DNAH10: variants seen among roughly 807,000 people sequenced by gnomAD.
The protein encoded by DNAH10 is dynein axonemal heavy chain 10.
DNAH10 carries 348 observed loss-of-function variants against 506.6 expected under a neutral mutation model. That is an observed-to-expected ratio of 0.69 (90% confidence interval 0.63 to 0.75). The LOEUF is 0.75. DNAH10 is among the 30% of genes least tolerant of loss of function. The pLI, the probability that DNAH10 is intolerant of heterozygous loss-of-function variation, is 0.00. For synonymous variants in DNAH10, 2,059 were observed against 2,198.6 expected (o/e 0.94, Z 1.78); for missense variants, 5,179 against 5,787.1 (o/e 0.89, Z 3.41).
At chr12:123,912,453 T>C (rs1371461186) in intron 59 of DNAH10, among the ~76,000 whole-genome samples, 1 of 29,622 alleles carries the variant, frequency 3.4e-5, no homozygotes, top group Non-Finnish European at 5.8e-5. Context: ...TCCTGGGGGG[T>C]CTGTCCTGGG....
At chr12:123,768,142 C>CT (rs71444915) in intron 2 of DNAH10, among the ~76,000 whole-genome samples, 1 of 107,922 alleles carries the variant, frequency 9.3e-6, no homozygotes, top group Non-Finnish European at 2.4e-5. Context: ...CCTCCTCCTC[C>CT]TTTTTTTTTG....
At chr12:123,881,065 G>T (rs2137062985) in intron 50 of DNAH10, among the ~76,000 whole-genome samples, 1 of 152,170 alleles carries the variant, frequency 6.6e-6, no homozygotes, top group Admixed American at 6.5e-5. Flanking sequence ...GGGCATTTGG[G>T]TTGGTTCCAA....
chr12:123,864,763 A>G (rs767273111), intron 40 of DNAH10, 33 bp downstream of exon 40: 18 of 1,578,910 alleles, frequency 1.1e-5, no homozygotes, highest in Admixed American at 1.9e-5. Flanking sequence ...TTTGAACATA[A>G]ATCTTTCTTG....
chr12:123,885,657 A>G (rs969010992), intron 51 of DNAH10, among the ~76,000 whole-genome samples: 1 of 152,168 alleles, frequency 6.6e-6, no homozygotes, highest in African/African-American at 2.4e-5. Flanking sequence ...GAAGGAAAGG[A>G]AAAAAGTGTC....
intron 23 of DNAH10, among the ~76,000 whole-genome samples, chr12:123,819,567 C>T (rs59797727): frequency 0.018 from 2,788 of 152,224 alleles, 98 homozygotes; most frequent in African/African-American, 0.063. Flanking sequence ...ACTGCCTTTA[C>T]AAAGGCAGCG....
intron 47 of DNAH10, 104 bp from the exon 48 acceptor site, chr12:123,877,632 A>G (rs930303935): frequency 4.2e-6 from 6 of 1,412,102 alleles, no homozygotes; most frequent in South Asian, 3.0e-5. Flanking sequence ...ATTCCTTTCT[A>G]TAGCTTAGTA....
chr12:123,775,407 C>T (rs1393162941), intron 5 of DNAH10, among the ~76,000 whole-genome samples: 1 of 152,154 alleles, frequency 6.6e-6, no homozygotes, highest in Non-Finnish European at 1.5e-5. Context: ...CCATGCTTGG[C>T]CTGAGCTTTA....
In DNAH10 at chr12:123,930,152, G is replaced by A. The variant is rs1264781547; in HGVS notation, c.12613-250G>A. Reference sequence around the variant, plus strand: ...ATGTGTTTGGGGGACTTTGCCTGCTGCACAGGAGCTCCCAACACTTCCTGA... The same window carrying A: ...ATGTGTTTGGGGGACTTTGCCTGCTACACAGGAGCTCCCAACACTTCCTGA... On this transcript the variant is annotated intron_variant, in intron 72 of 78. Transcript: ENST00000673944. The A allele has an allele frequency of 5.8e-6, 3 of 517,460 alleles. No homozygotes were observed. In the African/African-American group the frequency reaches 5.8e-5, roughly 10 times the overall value. 32.1% of individuals were successfully genotyped at this position (517,460 alleles called of 1,614,324 possible).
At position 123,925,188 on chromosome 12, in the gene DNAH10, G is replaced by C. The variant is rs762338634; in HGVS notation, c.11905G>C (p.Val3969Leu). ...TCGGGCCGTGACTGACTATGTGACT[G>C]TAACAATGGGAGAGAAGTAAGTGTG... ...VYRAVTDYVT[V>L]TMGEKYVQPP... The change falls in exon 68 of 79, where the codon GTA becomes CTA. Residue 3969 changes from valine (V) to leucine (L), a missense_variant. By Grantham distance (32) the Val-to-Leu change is conservative (BLOSUM62 1). This residue lies in a region of DNAH10 where 4,844 missense variants were observed against 5,430.5 expected (regional missense o/e 0.89). Transcript: ENST00000673944. This position sits in a 1 kb window ranked among gnomAD's most constrained non-coding sequence, Gnocchi z 4.0. 1.9e-6 allele frequency: 3 copies of C among 1,613,862 alleles called. No homozygotes were observed. The highest frequency in any genetic ancestry group is 2.2e-5 in the East Asian group (1 of 44,892).
At chr12:123,820,865 A>G in intron 24 of DNAH10, 107 bp downstream of exon 24, 1 of 1,303,184 alleles carries the variant, frequency 7.7e-7, no homozygotes, top group Non-Finnish European at 1.1e-6. Flanking sequence ...CTTGGGTCTG[A>G]CGTTGTGGAA....
rs963687986 is a variant in DNAH10 at position 123,771,737 on chromosome 12, G to A, written c.396+39G>A. 15 of 1,528,334 alleles carry A rather than the reference G, an allele frequency of 9.8e-6. No individual in the cohort carries two copies. The African/African-American group carries it at 1.9e-4, about 20-fold the overall frequency. 94.7% of individuals were successfully genotyped at this position (1,528,334 alleles called of 1,614,324 possible). On this transcript the variant is annotated intron_variant, in intron 3 of 78. Transcript: ENST00000673944. ...TTTGTCCTTGTTGGTGGGGTAATGG[G>A]GACCCTTGATGCCCTCTAGGATTCA...
rs1005754587 is a variant in DNAH10, at chr12:123,931,930, A to G, written c.13129-11A>G. 2 of 1,613,866 alleles carry G rather than the reference A, an allele frequency of 1.2e-6. No homozygotes were observed. The highest frequency in any genetic ancestry group is 1.6e-4 in the Middle Eastern group (1 of 6,062). On this transcript the variant is annotated splice_polypyrimidine_tract_variant and intron_variant, in intron 75 of 78. Transcript: ENST00000673944. ...ATAGAGTCCTGCCCGATTGCTCTTG[A>G]TTCTAAATAGGCCTTGGCTGGAGAA...
rs188146226 is a variant in DNAH10 at position 123,930,656 on chromosome 12, G to C, written c.12784+83G>C. 7 of 1,508,410 alleles carry C rather than the reference G, an allele frequency of 4.6e-6. No individual in the cohort carries two copies. The Admixed American group carries it at 1.1e-4, about 24-fold the overall frequency. 93.4% of individuals were successfully genotyped at this position (1,508,410 alleles called of 1,614,324 possible). On this transcript the variant is annotated intron_variant, in intron 73 of 78. Coordinates refer to ENST00000673944, the MANE Select transcript of DNAH10 (RefSeq NM_001372106.1). ...CATTTCAACCGGCTCCTCTCCTGGT[G>C]GGGGCTCCTCGGCTGGTCAGGTGTG...
chr12:123,799,384 C>T lies in DNAH10; in HGVS notation c.2289+13C>T, dbSNP rs200819179. 2.2e-5 allele frequency: 35 copies of T among 1,606,974 alleles called. No individual in the cohort carries two copies. Among genetic ancestry groups the T allele is most frequent in the East Asian group, 4.5e-5 (2 of 44,810 alleles). On this transcript the variant is annotated intron_variant, in intron 14 of 78. Transcript: ENST00000673944. ...CCTTTTGACCAAGGTGCGCTGCCCA[C>T]GCCCTCATTCCCGATTGCCGCGTGA...
In DNAH10 at chr12:123,820,644, G is replaced by A; in HGVS notation, c.4065G>A (p.Leu1355=). The change falls in exon 24 of 79, where the codon CTG becomes CTA. Residue 1355 remains leucine, a synonymous_variant. Transcript: ENST00000673944. ...LARHEKSRQE[L]ANAEKLFDLP... ...GACATGAAAAGAGCCGTCAGGAACT[G>A]GCTAACGCTGAGAAACTTTTCGATC... 6.2e-7 allele frequency: 1 copy of A among 1,613,998 alleles called. No homozygotes were observed. Among genetic ancestry groups the A allele is most frequent in the Non-Finnish European group, 8.5e-7 (1 of 1,179,888 alleles).
At chr12:123,788,121 C>A in intron 10 of DNAH10, 119 bp downstream of exon 10, 11 of 1,181,342 alleles carry the variant, frequency 9.3e-6, no homozygotes. Context: ...AGGGAGAAGC[C>A]CTTCAAAGAA....
At chr12:123,859,027 A>C in intron 37 of DNAH10, 123 bp from the exon 38 acceptor site, 1 of 894,382 alleles carries the variant, frequency 1.1e-6, no homozygotes, top group East Asian at 2.8e-5. Context: ...CTGTGAATAT[A>C]CTGGAAACCA....
intron 25 of DNAH10, among the ~76,000 whole-genome samples, chr12:123,828,568 C>T (rs559458639): frequency 6.6e-6 from 1 of 152,204 alleles, no homozygotes; most frequent in South Asian, 2.1e-4. Context: ...TTTTAGCTCC[C>T]CTATCTTAGT....
chr12:123,905,410 G>A (rs1953729046), intron 57 of DNAH10, among the ~76,000 whole-genome samples: 1 of 152,214 alleles, frequency 6.6e-6, no homozygotes, highest in Non-Finnish European at 1.5e-5. Flanking sequence ...CTGGGTCCCA[G>A]GGTGTAGGCA....
Sources: gnomAD v4.1 joint callset for allele counts (sites outside exome capture counted in the v4.1 genomes callset) on GRCh38, gnomAD v4.1.1 for gene constraint, gnomAD v4.1.1 regional missense constraint, Gnocchi (gnomAD v3.1) non-coding constraint, MANE v1.5 for transcripts, NCBI Gene and HGNC (gene_info 2026-07-23, HGNC 2026-07-21) for gene names.